Variants in TMPRSS11E observed in about 807,000 individuals in gnomAD.
The protein encoded by TMPRSS11E is transmembrane serine protease 11E.
TMPRSS11E carries 38 observed loss-of-function variants against 48.1 expected under a neutral mutation model. The ratio of observed to expected loss-of-function variants is 0.79; its 90% CI spans 0.61 to 1.04. The LOEUF is 1.04. Ranked by LOEUF, TMPRSS11E falls within the 50% of genes least tolerant of loss-of-function variation. The pLI is 0.00. For missense variants in TMPRSS11E, 530 were observed against 510.8 expected, an observed-to-expected ratio of 1.04 and a Z score of -0.36; for synonymous variants, 158 against 171.9, an observed-to-expected ratio of 0.92 and a Z score of 0.63.
At chr4:68,488,535 C>CTCTCT (rs372536173) in intron 9 of TMPRSS11E, among the ~76,000 whole-genome samples, 1 of 151,704 alleles carries the variant, frequency 6.6e-6, no homozygotes, top group Non-Finnish European at 1.5e-5. Flanking sequence ...TTTTTCTTTT[C>CTCTCT]TCTCTTCTCT....
At chr4:68,462,654 A>G (rs1439471109) in intron 2 of TMPRSS11E, among the ~76,000 whole-genome samples, 1 of 152,118 alleles carries the variant, frequency 6.6e-6, no homozygotes, top group Non-Finnish European at 1.5e-5. Context: ...ATCTGGAGTC[A>G]TAAAGAAGTA....
chr4:68,490,958 C>T (rs2109721297), intron 9 of TMPRSS11E, among the ~76,000 whole-genome samples: 1 of 151,870 alleles, frequency 6.6e-6, no homozygotes, highest in South Asian at 2.1e-4. Context: ...GGCGTTTTGC[C>T]ATGTTTGCTA....
chr4:68,461,124 G>A (rs1447779262), intron 1 of TMPRSS11E, among the ~76,000 whole-genome samples: 5 of 152,064 alleles, frequency 3.3e-5, no homozygotes, highest in Admixed American at 2.0e-4. Flanking sequence ...CTCATGATCC[G>A]CCCGCCTCGG....
At chr4:68,460,416 T>A (rs886451794) in intron 1 of TMPRSS11E, among the ~76,000 whole-genome samples, 3 of 152,196 alleles carry the variant, frequency 2.0e-5, no homozygotes, top group African/African-American at 7.2e-5. Flanking sequence ...CAAAGTGCTT[T>A]AGACGGAATG....
At chr4:68,465,992 C>G (rs1022010646) in intron 2 of TMPRSS11E, among the ~76,000 whole-genome samples, 6 of 152,138 alleles carry the variant, frequency 3.9e-5, no homozygotes, top group Non-Finnish European at 8.8e-5. Flanking sequence ...AAGGAGCAGA[C>G]AAGCCAACCC....
intron 9 of TMPRSS11E, among the ~76,000 whole-genome samples, chr4:68,487,226 T>C (rs1729577976): frequency 6.6e-6 from 1 of 152,104 alleles, no homozygotes; most frequent in South Asian, 2.1e-4. Flanking sequence ...CAGTGGACTA[T>C]GTAATTGTCT....
At chr4:68,457,571 C>T (rs1164059999) in intron 1 of TMPRSS11E, among the ~76,000 whole-genome samples, 1 of 152,138 alleles carries the variant, frequency 6.6e-6, no homozygotes, top group Middle Eastern at 3.2e-3. Context: ...GATTATAAAT[C>T]ATGCTACTAT....
In TMPRSS11E at chr4:68,474,754, A is replaced by G. The variant is rs1159075860; in HGVS notation, c.522A>G (p.Leu174=). ...KINKTETDSY[L]NHCCGTRRSK... ...ACAAGACAGAAACAGACAGCTATCTAAACCATTGTAAGTTTAATATATTTA... is the reference window on the plus strand; with the variant it reads ...ACAAGACAGAAACAGACAGCTATCTGAACCATTGTAAGTTTAATATATTTA... The change falls in exon 6 of 10, where the codon CTA becomes CTG. Residue 174 remains leucine (L), a synonymous_variant. Coordinates refer to ENST00000305363, the MANE Select transcript of TMPRSS11E (RefSeq NM_014058.4). 3 of 1,600,944 alleles carry G rather than the reference A, an allele frequency of 1.9e-6. No homozygotes were observed. The African/African-American group carries it at 4.0e-5, about 22-fold the overall frequency.
chr4:68,493,642 T>G (rs937523789), intron 9 of TMPRSS11E, among the ~76,000 whole-genome samples: 3 of 152,034 alleles, frequency 2.0e-5, no homozygotes, highest in African/African-American at 7.2e-5. Flanking sequence ...AATTTTTGTA[T>G]TTTTAGTAGA....
intron 9 of TMPRSS11E, among the ~76,000 whole-genome samples, chr4:68,482,213 C>G (rs1183363115): frequency 6.6e-6 from 1 of 151,996 alleles, no homozygotes; most frequent in Admixed American, 6.6e-5. Flanking sequence ...CAAGAGCTCA[C>G]TCACTATTGC....
At chr4:68,485,238 C>T (rs1216763019) in intron 9 of TMPRSS11E, among the ~76,000 whole-genome samples, 1 of 152,072 alleles carries the variant, frequency 6.6e-6, no homozygotes. Flanking sequence ...CCTCTGTCCC[C>T]CAGGTTCTAG....
At chr4:68,477,106 G>A (rs1461955850) in intron 7 of TMPRSS11E, among the ~76,000 whole-genome samples, 1 of 151,984 alleles carries the variant, frequency 6.6e-6, no homozygotes, top group Admixed American at 6.6e-5. Flanking sequence ...GTCCCTTGGA[G>A]TCATTAATAT....
chr4:68,480,000 TTGC>T (rs1480119453), intron 9 of TMPRSS11E, among the ~76,000 whole-genome samples: 1 of 152,124 alleles, frequency 6.6e-6, no homozygotes, highest in African/African-American at 2.4e-5. Context: ...TGCAAGGAAT[TTGC>T]TGCTATTAGA....
chr4:68,473,461 C>T (rs1339539592), intron 5 of TMPRSS11E, among the ~76,000 whole-genome samples: 4 of 152,004 alleles, frequency 2.6e-5, no homozygotes, highest in African/African-American at 9.7e-5. Flanking sequence ...TGTGGGTCCA[C>T]TAGAATTCTG....
chr4:68,474,710 C>T lies in TMPRSS11E; in HGVS notation c.491-13C>T, dbSNP rs754341469. 7 of 1,606,626 alleles carry T rather than the reference C, an allele frequency of 4.4e-6. No individual in the cohort carries two copies. Among genetic ancestry groups the T allele is most frequent in the Non-Finnish European group, 5.1e-6 (6 of 1,177,332 alleles). ...GATGTGCTGACCCTATTTGCCATTT[C>T]TGTGTGTTTCAGAAATCAACAAGAC... On this transcript the variant is annotated splice_polypyrimidine_tract_variant and intron_variant, in intron 5 of 9. Coordinates refer to ENST00000305363, the MANE Select transcript of TMPRSS11E (RefSeq NM_014058.4).
intron 6 of TMPRSS11E, among the ~76,000 whole-genome samples, 160 bp downstream of exon 6, chr4:68,474,921 C>T (rs1181485335): frequency 6.6e-6 from 1 of 152,016 alleles, no homozygotes. Flanking sequence ...CTTGGAGATA[C>T]ATTTTATTAG....
intron 1 of TMPRSS11E, among the ~76,000 whole-genome samples, chr4:68,460,914 T>A (rs1728771259): frequency 6.7e-6 from 1 of 148,684 alleles, no homozygotes; most frequent in East Asian, 2.0e-4. Context: ...GGAGTCTCGC[T>A]CTACCGCCCA....
chr4:68,457,901 G>A (rs1728678327), intron 1 of TMPRSS11E, among the ~76,000 whole-genome samples: 1 of 151,950 alleles, frequency 6.6e-6, no homozygotes, highest in African/African-American at 2.4e-5. Flanking sequence ...ATGGACACAG[G>A]GAGCAGAACA....
chr4:68,463,252 G>A (rs1234803495), intron 2 of TMPRSS11E, among the ~76,000 whole-genome samples: 1 of 152,126 alleles, frequency 6.6e-6, no homozygotes, highest in Non-Finnish European at 1.5e-5. Context: ...ATACAGGCAA[G>A]TCTTTAAATT....
Sources: allele counts gnomAD v4.1 joint callset (sites outside exome capture counted in the v4.1 genomes callset), GRCh38; gene constraint gnomAD v4.1.1; transcripts MANE v1.5; gene names NCBI Gene and HGNC (gene_info 2026-07-23, HGNC 2026-07-21).